SHANK2: variants seen among roughly 807,000 people sequenced by gnomAD.
SHANK2 encodes SH3 and multiple ankyrin repeat domains protein 2.
Under a neutral mutation model 133.7 loss-of-function variants are expected in SHANK2, and 43 were observed. The observed-to-expected ratio is 0.32, with a 90% CI of 0.25 to 0.41. The LOEUF is 0.41. Among genes scored for constraint, SHANK2 ranks in the 10% least tolerant of loss-of-function variants. SHANK2 has a pLI of 1.00. For synonymous variants in SHANK2, 1,017 were observed against 952.8 expected (o/e 1.07, Z -1.24); for missense variants, 1,994 against 2,235.8 (o/e 0.89, Z 2.18).
intron 11 of SHANK2, among the ~76,000 whole-genome samples, chr11:70,847,105 G>A (rs1049138183): frequency 1.3e-5 from 2 of 152,124 alleles, no homozygotes; most frequent in Admixed American, 6.5e-5. Context: ...CCTCTGCCCC[G>A]GCCCATCATC....
chr11:70,937,733 G>T (rs1338088387), intron 10 of SHANK2, among the ~76,000 whole-genome samples: 1 of 151,636 alleles, frequency 6.6e-6, no homozygotes, highest in South Asian at 2.1e-4. Flanking sequence ...AAAAGGCAAA[G>T]CTTGGAGAAA....
chr11:70,923,124 G>C (rs950833085), intron 10 of SHANK2, among the ~76,000 whole-genome samples: 1 of 152,212 alleles, frequency 6.6e-6, no homozygotes, highest in African/African-American at 2.4e-5. Context: ...CCCATCAACT[G>C]TAAGGAAGAA....
chr11:70,921,466 G>A (rs1168868500), intron 10 of SHANK2, among the ~76,000 whole-genome samples: 1 of 152,258 alleles, frequency 6.6e-6, no homozygotes, highest in African/African-American at 2.4e-5. Context: ...AAAAACTGCA[G>A]ACCCGAAGGG....
chr11:70,822,985 C>G (rs9735401), intron 11 of SHANK2, among the ~76,000 whole-genome samples: 7 of 94,024 alleles, frequency 7.4e-5, no homozygotes, highest in Non-Finnish European at 1.3e-4. Flanking sequence ...GCTGGCAGAG[C>G]CCATGGGGGA....
At position 71,094,610 on chromosome 11, in the gene SHANK2, A is replaced by G. The variant is rs1300144829; in HGVS notation, c.671T>C (p.Leu224Pro). Residue 224 changes from leucine (L) to proline (P), a missense_variant, in exon 7 of 26, where the codon CTG becomes CCG. Leu to Pro is a moderately conservative substitution (Grantham distance 98). This residue lies in a region of SHANK2 where 653 missense variants were observed against 563.4 expected (regional missense o/e 1.16). Transcript: ENST00000601538. ...CATCCCATCTTTGGCACGGAAGTCC[A>G]GGTGAGCTCCACCATTTTTGAGAGC... is the stretch of plus-strand genomic sequence containing the variant. ...IKALKNGGAHLDFRAKDGMTA... is the reference protein window; with the variant it reads ...IKALKNGGAHPDFRAKDGMTA... 5.4e-5 allele frequency: 84 copies of G among 1,551,624 alleles called. No homozygotes were observed. Among genetic ancestry groups the G allele is most frequent in the Non-Finnish European group, 7.3e-5 (84 of 1,147,004 alleles).
intron 14 of SHANK2, among the ~76,000 whole-genome samples, chr11:70,724,353 C>T (rs577667943): frequency 6.6e-6 from 1 of 152,294 alleles, no homozygotes; most frequent in African/African-American, 2.4e-5. Flanking sequence ...CATTCTTACA[C>T]TTTGCTCAGT....
chr11:71,065,255 G>A (rs1446901800), intron 9 of SHANK2, among the ~76,000 whole-genome samples: 1 of 151,460 alleles, frequency 6.6e-6, no homozygotes, highest in African/African-American at 2.4e-5. Context: ...TCTGTGTGCA[G>A]AACTCTTCCA....
At chr11:70,545,373 G>A (rs1441344920) in intron 17 of SHANK2, among the ~76,000 whole-genome samples, 2 of 152,212 alleles carry the variant, frequency 1.3e-5, no homozygotes, top group Non-Finnish European at 2.9e-5. Flanking sequence ...GCTGGCCCTG[G>A]GGTGGGGCTC....
At chr11:70,634,808 G>T (rs1555003369) in intron 17 of SHANK2, 1 of 152,220 alleles carries the variant, frequency 6.6e-6, no homozygotes, top group African/African-American at 2.4e-5. Context: ...TCGCAGTGAG[G>T]TGAGATCACG....
intron 17 of SHANK2, among the ~76,000 whole-genome samples, chr11:70,615,112 A>G (rs1554995514): frequency 6.6e-6 from 1 of 152,242 alleles, no homozygotes; most frequent in Non-Finnish European, 1.5e-5. Context: ...GAGGGGGATC[A>G]TGAACTCAAC....
intron 17 of SHANK2, among the ~76,000 whole-genome samples, chr11:70,589,173 G>A (rs2060290872): frequency 6.6e-6 from 1 of 152,230 alleles, no homozygotes; most frequent in African/African-American, 2.4e-5. Flanking sequence ...CTAGAGAGGA[G>A]AAATCGATGT....
chr11:70,697,485 A>G (rs909791331), intron 15 of SHANK2, among the ~76,000 whole-genome samples: 23 of 152,296 alleles, frequency 1.5e-4, no homozygotes, highest in African/African-American at 5.3e-4. Flanking sequence ...GCGAGGGGCA[A>G]TGGGAGTGGG....
intron 17 of SHANK2, among the ~76,000 whole-genome samples, chr11:70,521,163 T>C (rs1554970937): frequency 6.6e-6 from 1 of 152,260 alleles, no homozygotes; most frequent in African/African-American, 2.4e-5. Context: ...TTTTCTTTTA[T>C]ATTGGTGTCT....
At chr11:70,909,972 G>A (rs989450221) in intron 10 of SHANK2, among the ~76,000 whole-genome samples, 21 of 152,246 alleles carry the variant, frequency 1.4e-4, no homozygotes, top group African/African-American at 4.3e-4. Flanking sequence ...TCAAGGCATC[G>A]CAGGGCTAGG....
chr11:70,914,661 A>AT (rs1950242697), intron 10 of SHANK2, among the ~76,000 whole-genome samples: 1 of 149,148 alleles, frequency 6.7e-6, no homozygotes, highest in Admixed American at 6.8e-5. Flanking sequence ...TACCTCTACA[A>AT]AAAAAATAAA....
chr11:70,573,257 G>T (rs1309281544), intron 17 of SHANK2, among the ~76,000 whole-genome samples: 1 of 138,646 alleles, frequency 7.2e-6, no homozygotes, highest in Non-Finnish European at 1.6e-5. Context: ...ATGTGAGCTG[G>T]GTGGTCACTG....
intron 17 of SHANK2, among the ~76,000 whole-genome samples, chr11:70,601,627 C>T (rs1195010350): frequency 2.0e-5 from 3 of 152,196 alleles, no homozygotes; most frequent in Admixed American, 2.0e-4. Context: ...GCTGAGATTA[C>T]AGGCGTGAGC....
At chr11:70,741,751 C>T (rs1458099208) in intron 14 of SHANK2, among the ~76,000 whole-genome samples, 1 of 152,236 alleles carries the variant, frequency 6.6e-6, no homozygotes, top group African/African-American at 2.4e-5. Flanking sequence ...GTTGAGCACA[C>T]AGGCTGCCTC....
At chr11:70,558,157 GTTCT>G (rs1444687175) in intron 17 of SHANK2, among the ~76,000 whole-genome samples, 14 of 152,324 alleles carry the variant, frequency 9.2e-5, no homozygotes, top group African/African-American at 1.9e-4. Context: ...TCTCGGAGAG[GTTCT>G]TTCTATCTGG....
Sources: allele counts gnomAD v4.1 joint callset (sites outside exome capture counted in the v4.1 genomes callset), GRCh38; gene constraint gnomAD v4.1.1; regional missense constraint gnomAD v4.1.1; transcripts MANE v1.5; gene names NCBI Gene and HGNC (gene_info 2026-07-23, HGNC 2026-07-21).